Variants in SLC38A12 observed in about 807,000 individuals in gnomAD.
SLC38A12 encodes putative sodium-coupled neutral amino acid transporter 12.
chr17:74,807,533 T>C, the SLC38A12 span, among the ~76,000 whole-genome samples: 9 of 152,184 alleles, frequency 5.9e-5, no homozygotes, highest in African/African-American at 2.2e-4. Flanking sequence ...CAAGACAGAC[T>C]CCATGCACAG....
chr17:74,789,543 C>CAAA, the SLC38A12 span, among the ~76,000 whole-genome samples: 9 of 110,708 alleles, frequency 8.1e-5, no homozygotes, highest in East Asian at 8.6e-4. Context: ...GCAAGCATTT[C>CAAA]AAAAAAAAAA....
At chr17:74,780,511 A>G in the SLC38A12 span, among the ~76,000 whole-genome samples, 1 of 152,316 alleles carries the variant, frequency 6.6e-6, no homozygotes, top group South Asian at 2.1e-4. Context: ...GCTTTCTGCC[A>G]CTGCTTCCCA....
the SLC38A12 span, chr17:74,785,427 TA>T: frequency 1.3e-6 from 2 of 1,587,570 alleles, no homozygotes; most frequent in South Asian, 2.3e-5. Context: ...TGGGAGCTGT[TA>T]AGGGGAGAAG....
the SLC38A12 span, among the ~76,000 whole-genome samples, chr17:74,790,797 G>A: frequency 6.6e-6 from 1 of 150,642 alleles, no homozygotes; most frequent in African/African-American, 2.4e-5. Context: ...AAAAAAGACT[G>A]TGTTAAACCA....
At chr17:74,812,980 C>T in the SLC38A12 span, among the ~76,000 whole-genome samples, 2 of 152,024 alleles carry the variant, frequency 1.3e-5, no homozygotes, top group African/African-American at 4.8e-5. Flanking sequence ...GAAGCCAAAA[C>T]CAAAAAAGCT....
At chr17:74,783,394 G>A in the SLC38A12 span, among the ~76,000 whole-genome samples, 1 of 152,236 alleles carries the variant, frequency 6.6e-6, no homozygotes, top group Non-Finnish European at 1.5e-5. Context: ...TTGCCACAAG[G>A]ATTCAAAGGC....
chr17:74,795,194 C>T, the SLC38A12 span: 1 of 1,182,588 alleles, frequency 8.5e-7, no homozygotes, highest in South Asian at 1.2e-5. Flanking sequence ...AGGGGAGAAG[C>T]ACCATGCCAA....
At chr17:74,811,580 G>A in the SLC38A12 span, among the ~76,000 whole-genome samples, 1 of 151,562 alleles carries the variant, frequency 6.6e-6, no homozygotes, top group Non-Finnish European at 1.5e-5. Flanking sequence ...AATTAGCAAA[G>A]CGTGGTGGCA....
the SLC38A12 span, among the ~76,000 whole-genome samples, chr17:74,821,088 C>T: frequency 5.9e-5 from 9 of 152,206 alleles, no homozygotes; most frequent in East Asian, 1.9e-4. Flanking sequence ...CCAGAGCTCA[C>T]GACTGGATGA....
the SLC38A12 span, among the ~76,000 whole-genome samples, chr17:74,830,678 A>T: frequency 1.3e-5 from 2 of 152,058 alleles, no homozygotes; most frequent in Admixed American, 6.6e-5. Flanking sequence ...CCTTGTGTAA[A>T]TTTTACTTCT....
chr17:74,786,089 T>C, the SLC38A12 span, among the ~76,000 whole-genome samples: 1 of 152,194 alleles, frequency 6.6e-6, no homozygotes, highest in Admixed American at 6.5e-5. Flanking sequence ...CACGATCAAG[T>C]GTGGCACTCG....
chr17:74,787,322 C>T, the SLC38A12 span, among the ~76,000 whole-genome samples: 1 of 140,774 alleles, frequency 7.1e-6, no homozygotes, highest in Non-Finnish European at 1.6e-5. Context: ...TTGTCCTGGC[C>T]TCAAGAAAGC....
the SLC38A12 span, among the ~76,000 whole-genome samples, chr17:74,821,293 C>G: frequency 5.3e-5 from 8 of 152,264 alleles, no homozygotes; most frequent in African/African-American, 1.9e-4. Flanking sequence ...GGGCATCAAG[C>G]TGACACGAGG....
chr17:74,807,655 G>A, the SLC38A12 span, among the ~76,000 whole-genome samples: 1 of 152,232 alleles, frequency 6.6e-6, no homozygotes, highest in South Asian at 2.1e-4. Flanking sequence ...GAAGTAGAAG[G>A]GAGCAGCTGG....
the SLC38A12 span, among the ~76,000 whole-genome samples, chr17:74,806,752 G>A: frequency 3.9e-5 from 6 of 152,200 alleles, no homozygotes; most frequent in Non-Finnish European, 5.9e-5. Flanking sequence ...TCCTCTGTCC[G>A]ATAGGATGGG....
chr17:74,836,793 G>T, the SLC38A12 span: 1 of 1,466,610 alleles, frequency 6.8e-7, no homozygotes, highest in South Asian at 1.4e-5. This position sits in a 1 kb window ranked among gnomAD's most constrained non-coding sequence, Gnocchi z 4.2. Flanking sequence ...GGGGCAGGTG[G>T]GACTGTGGCT....
At chr17:74,821,102 T>G in the SLC38A12 span, among the ~76,000 whole-genome samples, 1 of 152,186 alleles carries the variant, frequency 6.6e-6, no homozygotes, top group Admixed American at 6.5e-5. Flanking sequence ...TGGATGAGGC[T>G]CCCACTCCAC....
chr17:74,819,753 A>C, the SLC38A12 span: 8 of 1,614,026 alleles, frequency 5.0e-6, no homozygotes, highest in Admixed American at 1.3e-4. Context: ...CCCCCAGGCG[A>C]TCTTCACTCT....
the SLC38A12 span, among the ~76,000 whole-genome samples, chr17:74,799,121 G>C: frequency 6.6e-6 from 1 of 152,008 alleles, no homozygotes; most frequent in Admixed American, 6.5e-5. Context: ...CCCCTGTCTG[G>C]ACCCATCCCT....
Sources: allele counts gnomAD v4.1 joint callset (sites outside exome capture counted in the v4.1 genomes callset), GRCh38; gene constraint gnomAD v4.1.1; non-coding constraint Gnocchi (gnomAD v3.1); transcripts MANE v1.5; gene names NCBI Gene and HGNC (gene_info 2026-07-23, HGNC 2026-07-21).